PSMD9: variants seen among roughly 807,000 people sequenced by gnomAD.
PSMD9 encodes the protein proteasome 26S subunit, non-ATPase 9, also known as 26S proteasome non-ATPase regulatory subunit 9.
A neutral mutation model predicts 25.9 loss-of-function variants in PSMD9; 26 were observed. The ratio of observed to expected loss-of-function variants is 1.00; its 90% CI spans 0.73 to 1.39. The LOEUF (loss-of-function observed/expected upper bound fraction) is 1.39. PSMD9 is among the 40% of genes most tolerant of loss of function. PSMD9 has a pLI of 0.00. For synonymous variants in PSMD9, 110 were observed against 114.5 expected, an observed-to-expected ratio of 0.96 and a Z score of 0.25; for missense variants, 303 against 299.3, an observed-to-expected ratio of 1.01 and a Z score of -0.09.
intron 4 of PSMD9, among the ~76,000 whole-genome samples, chr12:121,909,314 CT>C (rs140343580): frequency 0.012 from 1,657 of 140,848 alleles, 11 homozygotes; most frequent in African/African-American, 0.024. Flanking sequence ...CAGCCACTGC[CT>C]TTTTTTTTTT....
At chr12:121,898,045 G>C (rs1879284926) in intron 2 of PSMD9, 1 of 152,174 alleles carries the variant, frequency 6.6e-6, no homozygotes, top group African/African-American at 2.4e-5. Flanking sequence ...GACCTCACTG[G>C]GGGAGGGCTT....
intron 4 of PSMD9, among the ~76,000 whole-genome samples, chr12:121,905,290 G>C (rs1268414384): frequency 1.3e-5 from 2 of 150,534 alleles, no homozygotes; most frequent in East Asian, 3.9e-4. Flanking sequence ...TGCAGTCTCG[G>C]GGGGGCTACT....
chr12:121,912,990 G>A (rs559178614), intron 4 of PSMD9, among the ~76,000 whole-genome samples: 6 of 147,348 alleles, frequency 4.1e-5, no homozygotes, highest in East Asian at 2.0e-4. Context: ...AGGCTGGAGT[G>A]CAGTGGCACA....
At chr12:121,897,428 G>A (rs1169074) in intron 2 of PSMD9, 113,542 of 152,170 alleles carry the variant, frequency 0.75, 42,567 homozygotes, top group Non-Finnish European at 0.8. Context: ...ATCCGCCATC[G>A]TGCCCGGCTA....
intron 4 of PSMD9, among the ~76,000 whole-genome samples, chr12:121,912,014 TTTA>T (rs1211996055): frequency 1.3e-5 from 1 of 76,140 alleles, no homozygotes; most frequent in Non-Finnish European, 3.2e-5. Context: ...TGCTTATTTA[TTTA>T]TTTATTTATT....
chr12:121,918,149 C>T lies in PSMD9; in HGVS notation c.*1838C>T, dbSNP rs1439610650. Reference sequence around the variant, plus strand: ...TTGCGGAAACGCTTTGTGCTGAGAACCGCAAGCTGGTGCACCCTGTGTCAT... The same window carrying T: ...TTGCGGAAACGCTTTGTGCTGAGAATCGCAAGCTGGTGCACCCTGTGTCAT... On this transcript the variant is annotated 3_prime_UTR_variant, in exon 6 of 6. Coordinates refer to ENST00000541212, the MANE Select transcript of PSMD9 (RefSeq NM_002813.7). This position sits in a 1 kb window ranked among gnomAD's most constrained non-coding sequence, Gnocchi z 4.3. 6.6e-6 allele frequency: 1 copy of T among 152,272 alleles called. No individual in the cohort carries two copies. The highest frequency in any genetic ancestry group is 2.4e-5 in the African/African-American group (1 of 41,468). The allele number at this position is 152,272 out of a possible 1,614,324, so 9.4% of individuals were successfully genotyped here. A position where few individuals can be genotyped will look rare whatever the true frequency, so the allele number is the denominator to read the frequency against.
At chr12:121,915,741 C>T in intron 4 of PSMD9, 115 bp from the exon 5 acceptor site, 4 of 930,840 alleles carry the variant, frequency 4.3e-6, no homozygotes, top group Non-Finnish European at 6.6e-6. Context: ...CAGGATTATG[C>T]TGCAAATGTA....
intron 2 of PSMD9, among the ~76,000 whole-genome samples, chr12:121,896,883 A>G (rs575625391): frequency 2.0e-5 from 3 of 152,088 alleles, no homozygotes; most frequent in African/African-American, 7.2e-5. Context: ...AAAATAATGC[A>G]TAGGTCCTTT....
At chr12:121,898,591 AGGGCAGTGGTGCGATCTCG>A (rs1330487877) in intron 2 of PSMD9, 1 of 147,220 alleles carries the variant, frequency 6.8e-6, no homozygotes, top group Non-Finnish European at 1.5e-5. Flanking sequence ...GCCAGGCTGG[AGGGCAGTGGTGCGATCTCG>A]GCTCACTGCA....
At chr12:121,891,203 G>A (rs920131955) in intron 1 of PSMD9, among the ~76,000 whole-genome samples, 1 of 150,574 alleles carries the variant, frequency 6.6e-6, no homozygotes, top group African/African-American at 2.4e-5. Flanking sequence ...GGCTGAGGCA[G>A]GAGGATTGCT....
At chr12:121,899,392 G>C (rs1879322621) in intron 2 of PSMD9, 3 of 499,014 alleles carry the variant, frequency 6.0e-6, no homozygotes. Context: ...GGCAGACTTT[G>C]CTGCTGGCCA....
rs1293890729 is a variant in PSMD9 at position 121,916,555 on chromosome 12, T to A, written c.*244T>A. On this transcript the variant is annotated 3_prime_UTR_variant, in exon 6 of 6. Coordinates refer to ENST00000541212, the MANE Select transcript of PSMD9 (RefSeq NM_002813.7). ...CGGCCCTAAATAGGAATTCCCTGGA[T>A]TGTGGGCAAGTGGGCGGAAGTTATT... 1.8e-6 allele frequency: 1 copy of A among 558,996 alleles called. No homozygotes were observed. The highest frequency in any genetic ancestry group is 3.2e-6 in the Non-Finnish European group (1 of 313,816). The allele number at this position is 558,996 out of a possible 1,614,324, so 34.6% of individuals were successfully genotyped here.
intron 4 of PSMD9, among the ~76,000 whole-genome samples, chr12:121,910,285 T>C (rs4760108): frequency 0.3 from 44,750 of 150,294 alleles, 6,985 homozygotes; most frequent in East Asian, 0.54. Context: ...GGGTTTTCAC[T>C]ATGTTGGCCA....
intron 2 of PSMD9, among the ~76,000 whole-genome samples, chr12:121,895,520 A>G (rs1481645666): frequency 6.6e-6 from 1 of 152,180 alleles, no homozygotes; most frequent in Non-Finnish European, 1.5e-5. Flanking sequence ...TCACTGGACT[A>G]AAATCAAGGT....
At position 121,894,723 on chromosome 12, in the gene PSMD9, C is replaced by A. The variant is rs756394514; in HGVS notation, c.139-16C>A. The A allele has an allele frequency of 6.2e-7, 1 of 1,611,612 alleles. No homozygotes were observed. The highest frequency in any genetic ancestry group is 1.7e-5 in the Admixed American group (1 of 59,946). On this transcript the variant is annotated splice_polypyrimidine_tract_variant and intron_variant, in intron 1 of 5. Coordinates refer to ENST00000541212, the MANE Select transcript of PSMD9 (RefSeq NM_002813.7). ...TACACCCATGAGCACCTTTTAACCA[C>A]GTTTCTTTCCTCCAGCAAAAAGGCA...
chr12:121,915,630 T>A, intron 4 of PSMD9: 1 of 528,196 alleles, frequency 1.9e-6, no homozygotes, highest in Non-Finnish European at 3.3e-6. Context: ...TTAAAGATCG[T>A]TGGTGGTGGG....
intron 2 of PSMD9, 77 bp downstream of exon 2, chr12:121,894,918 C>G: frequency 8.2e-7 from 1 of 1,215,006 alleles, no homozygotes; most frequent in South Asian, 1.3e-5. Context: ...AACCAACTAT[C>G]TGTATTATCT....
intron 4 of PSMD9, among the ~76,000 whole-genome samples, chr12:121,906,965 CAAA>C (rs111345955): frequency 6.0e-5 from 8 of 133,164 alleles, no homozygotes; most frequent in African/African-American, 5.8e-5. Context: ...GGCTCTGTGT[CAAA>C]AAAAAAAAAA....
intron 3 of PSMD9, 189 bp downstream of exon 3, chr12:121,900,034 G>T: frequency 1.5e-6 from 1 of 669,252 alleles, no homozygotes. Flanking sequence ...TTTAGAGAGG[G>T]GTCAGCCCCG....
Sources: gnomAD v4.1 joint callset for allele counts (sites outside exome capture counted in the v4.1 genomes callset) on GRCh38, gnomAD v4.1.1 for gene constraint, Gnocchi (gnomAD v3.1) non-coding constraint, MANE v1.5 for transcripts, NCBI Gene and HGNC (gene_info 2026-07-23, HGNC 2026-07-21) for gene names.